RBM25: variants seen among roughly 807,000 people sequenced by gnomAD.
RBM25 encodes RNA-binding protein 25.
In RBM25, 19 loss-of-function variants were observed where a neutral mutation model predicts 120.7. The ratio of observed to expected loss-of-function variants is 0.16; its 90% CI spans 0.11 to 0.23. The LOEUF (loss-of-function observed/expected upper bound fraction) is 0.23, where lower values mean the gene tolerates loss of function less well. Among genes scored for constraint, RBM25 ranks in the 10% least tolerant of loss-of-function variants. The probability of loss-of-function intolerance (pLI) is 1.00; values close to 1 mark genes in which losing one functional copy is unlikely to be tolerated. For missense variants in RBM25, 605 were observed against 1,041.5 expected (o/e 0.58, Z 5.77); for synonymous variants, 390 against 326.7 (o/e 1.19, Z -2.09).
intron 14 of RBM25, among the ~76,000 whole-genome samples, chr14:73,109,972 C>T (rs1034191529): frequency 2.0e-5 from 3 of 151,982 alleles, no homozygotes; most frequent in African/African-American, 7.2e-5. Flanking sequence ...GCAGCCTCCA[C>T]TTCCCAGGCT....
rs561025624 is a variant in RBM25, at chr14:73,103,129, C to G, written c.868-63C>G. On this transcript the variant is annotated intron_variant, in intron 9 of 18. Coordinates refer to ENST00000261973, the MANE Select transcript of RBM25 (RefSeq NM_021239.3). ...TTGTTCCCAGTACTGGGCTTTGCGC[C>G]GGGAAAAATCTGAATACTGGAGCTA... The G allele has an allele frequency of 5.2e-6, 8 of 1,553,048 alleles. No individual in the cohort carries two copies. The South Asian group carries it at 1.0e-4, about 20-fold the overall frequency.
At chr14:73,103,501 GT>G (rs746741858) in intron 10 of RBM25, 23 bp downstream of exon 10, 2 of 1,545,022 alleles carry the variant, frequency 1.3e-6, no homozygotes, top group African/African-American at 2.8e-5. Flanking sequence ...AGAAGTTACT[GT>G]TTCCTGATAG....
intron 18 of RBM25, among the ~76,000 whole-genome samples, chr14:73,115,153 C>CGTGTGTGT (rs33924709): frequency 0.044 from 6,400 of 146,728 alleles, 313 homozygotes; most frequent in African/African-American, 0.12. Flanking sequence ...GGAACTGATA[C>CGTGTGTGT]GTGTGTGTGT....
At chr14:73,110,234 G>A (rs1322610593) in intron 14 of RBM25, among the ~76,000 whole-genome samples, 1 of 151,294 alleles carries the variant, frequency 6.6e-6, no homozygotes, top group African/African-American at 2.4e-5. Flanking sequence ...CCAGGCTGGA[G>A]TGCAGTAGCG....
intron 16 of RBM25, 131 bp downstream of exon 16, chr14:73,111,933 C>A: frequency 8.2e-7 from 1 of 1,217,882 alleles, no homozygotes; most frequent in Non-Finnish European, 1.1e-6. Context: ...ATCTTGACAC[C>A]AACTCAATGC....
intron 6 of RBM25, among the ~76,000 whole-genome samples, chr14:73,094,431 C>G (rs1895889033): frequency 6.6e-6 from 1 of 151,892 alleles, no homozygotes; most frequent in South Asian, 2.1e-4. Flanking sequence ...AAACAATAAT[C>G]AATTTAGGGT....
At chr14:73,064,672 T>C (rs927263391) in intron 1 of RBM25, among the ~76,000 whole-genome samples, 4 of 151,106 alleles carry the variant, frequency 2.6e-5, no homozygotes, top group African/African-American at 9.7e-5. Flanking sequence ...GGATTACAGA[T>C]GTGAGCCACC....
At chr14:73,101,059 T>C (rs1896046192) in intron 9 of RBM25, 1 of 152,204 alleles carries the variant, frequency 6.6e-6, no homozygotes, top group South Asian at 2.1e-4. Flanking sequence ...TTCAAAAATA[T>C]ATTTGCTTTA....
At chr14:73,061,358 A>G (rs1156941645) in intron 1 of RBM25, among the ~76,000 whole-genome samples, 3 of 151,228 alleles carry the variant, frequency 2.0e-5, no homozygotes, top group African/African-American at 7.3e-5. Context: ...CTTGGCCAAT[A>G]TGCCTTTTTT....
intron 4 of RBM25, among the ~76,000 whole-genome samples, chr14:73,081,756 A>C (rs982011283): frequency 1.3e-5 from 2 of 152,182 alleles, no homozygotes; most frequent in African/African-American, 4.8e-5. Flanking sequence ...TCTTCCTCAC[A>C]TTGAAGGTGC....
At chr14:73,092,755 T>TG (rs1895847647) in intron 6 of RBM25, among the ~76,000 whole-genome samples, 1 of 151,980 alleles carries the variant, frequency 6.6e-6, no homozygotes, top group Non-Finnish European at 1.5e-5. Flanking sequence ...TTTTATGAGA[T>TG]GGGGTCTCGC....
At chr14:73,070,916 C>T (rs149895286) in intron 1 of RBM25, among the ~76,000 whole-genome samples, 3,311 of 139,334 alleles carry the variant, frequency 0.024, 126 homozygotes, top group African/African-American at 0.081. Context: ...CACTGCACTC[C>T]AGCCTGGCGA....
intron 6 of RBM25, among the ~76,000 whole-genome samples, chr14:73,089,535 A>G (rs1337938069): frequency 2.6e-5 from 4 of 151,796 alleles, no homozygotes; most frequent in Non-Finnish European, 5.9e-5. Flanking sequence ...TTGTATTTTT[A>G]GTAGAGATGG....
chr14:73,068,668 A>T, intron 1 of RBM25: 1 of 354,758 alleles, frequency 2.8e-6, no homozygotes, highest in Non-Finnish European at 5.5e-6. Flanking sequence ...CCAGGGACGC[A>T]CGCTTCCTTG....
At chr14:73,089,273 G>A (rs1267311938) in intron 6 of RBM25, among the ~76,000 whole-genome samples, 1 of 152,136 alleles carries the variant, frequency 6.6e-6, no homozygotes, top group Non-Finnish European at 1.5e-5. Flanking sequence ...AATACCACCT[G>A]TAATCCCATC....
In RBM25 at chr14:73,111,062, T is replaced by G; in HGVS notation, c.1924T>G (p.Ser642Ala). Residue 642 changes from serine to alanine, a missense_variant, in exon 15 of 19, where the codon TCT (serine) becomes GCT (alanine). By Grantham distance (99) the Ser-to-Ala change is moderately conservative (BLOSUM62 1). Coordinates refer to ENST00000261973, the MANE Select transcript of RBM25 (RefSeq NM_021239.3). ...AACACCTAACACTCCTGGGGATGAG[T>G]CTCCCTGTGGTATTATTATTCCTCA... ...NATPNTPGDE[S>A]PCGIIIPHEN... 1 of 1,614,032 alleles carries G rather than the reference T, an allele frequency of 6.2e-7. No individual in the cohort carries two copies. The highest frequency in any genetic ancestry group is 8.5e-7 in the Non-Finnish European group (1 of 1,180,000).
In RBM25 at chr14:73,077,280, T is replaced by G. The variant is rs867055732; in HGVS notation, c.157-89T>G. 55 of 1,152,090 alleles carry G rather than the reference T, an allele frequency of 4.8e-5. No homozygotes were observed. In the African/African-American group the frequency reaches 7.5e-4, roughly 16 times the overall value. 71.4% of individuals were successfully genotyped at this position (1,152,090 alleles called of 1,614,324 possible). A position where few individuals can be genotyped will look rare whatever the true frequency, so the allele number is the denominator to read the frequency against. On this transcript the variant is annotated intron_variant, in intron 3 of 18. Coordinates refer to ENST00000261973, the MANE Select transcript of RBM25 (RefSeq NM_021239.3). ...AGCTTAAATAATGTGCTATATATAT[T>G]TATTTAATCCTGATGTTTTTAGCCT...
At chr14:73,064,992 T>G (rs1895094121) in intron 1 of RBM25, 1 of 149,836 alleles carries the variant, frequency 6.7e-6, no homozygotes, top group African/African-American at 2.4e-5. Flanking sequence ...ACTCTGTCGT[T>G]CAGGTTGGAG....
chr14:73,069,816 A>T (rs1895236655), intron 1 of RBM25: 1 of 140,668 alleles, frequency 7.1e-6, no homozygotes, highest in African/African-American at 2.6e-5. Flanking sequence ...GTGAAAAAAA[A>T]ATTTTTTTCT....
Sources: gnomAD v4.1 joint callset for allele counts (sites outside exome capture counted in the v4.1 genomes callset) on GRCh38, gnomAD v4.1.1 for gene constraint, MANE v1.5 for transcripts, NCBI Gene and HGNC (gene_info 2026-07-23, HGNC 2026-07-21) for gene names.